Variants in WDR41 observed in about 807,000 individuals in gnomAD.
WDR41 encodes WD repeat domain 41.
A neutral mutation model predicts 69.3 loss-of-function variants in WDR41; 63 were observed. That is an observed-to-expected ratio of 0.91 (90% CI 0.74 to 1.12). WDR41 has a LOEUF of 1.12. Among genes scored for constraint, WDR41 ranks in the 50% most tolerant of loss-of-function variants. WDR41 has a pLI of 0.00. For synonymous variants in WDR41, 185 were observed against 192.1 expected (o/e 0.96, Z 0.31); for missense variants, 543 against 534.5 (o/e 1.02, Z -0.16).
intron 1 of WDR41, among the ~76,000 whole-genome samples, chr5:77,534,148 A>C (rs1249544507): frequency 6.6e-6 from 1 of 152,004 alleles, no homozygotes; most frequent in Admixed American, 6.6e-5. Flanking sequence ...TTAAAAAAGT[A>C]TTATTTACTT....
chr5:77,610,937 C>T (rs1744535266), intron 1 of WDR41, among the ~76,000 whole-genome samples: 1 of 151,974 alleles, frequency 6.6e-6, no homozygotes, highest in Non-Finnish European at 1.5e-5. Context: ...CACACATAGG[C>T]TCAAAATAAA....
intron 1 of WDR41, among the ~76,000 whole-genome samples, chr5:77,522,312 C>T (rs1252399120): frequency 6.6e-6 from 1 of 152,062 alleles, no homozygotes; most frequent in Non-Finnish European, 1.5e-5. Context: ...AGGAAGATAG[C>T]CCCAAAGAAT....
intron 1 of WDR41, among the ~76,000 whole-genome samples, chr5:77,614,260 T>C (rs1171533312): frequency 2.0e-5 from 3 of 150,696 alleles, no homozygotes; most frequent in Non-Finnish European, 4.4e-5. Context: ...GATCTAGAAC[T>C]AGAAATACCA....
intron 1 of WDR41, 196 bp downstream of exon 1, chr5:77,491,974 T>G (rs2112132085): frequency 1.6e-6 from 1 of 620,764 alleles, no homozygotes; most frequent in Non-Finnish European, 2.6e-6. Context: ...GCGCCTGGGG[T>G]CCCGCCGGGT....
intron 5 of WDR41, among the ~76,000 whole-genome samples, chr5:77,454,547 T>A (rs1180175872): frequency 6.6e-6 from 1 of 152,234 alleles, no homozygotes; most frequent in Non-Finnish European, 1.5e-5. Flanking sequence ...TCTCTGTATC[T>A]TTAGAATAAA....
intron 1 of WDR41, among the ~76,000 whole-genome samples, chr5:77,581,432 A>T (rs866581837): frequency 2.6e-5 from 4 of 152,334 alleles, no homozygotes; most frequent in Non-Finnish European, 4.4e-5. Context: ...CCCACTTTTA[A>T]TAATGGATAG....
intron 1 of WDR41, among the ~76,000 whole-genome samples, chr5:77,556,235 G>C (rs1356311418): frequency 6.7e-6 from 1 of 150,032 alleles, no homozygotes; most frequent in Non-Finnish European, 1.5e-5. Context: ...TGCCGAAATA[G>C]CTGGGATTAT....
intron 1 of WDR41, among the ~76,000 whole-genome samples, chr5:77,527,753 C>A (rs1269457487): frequency 1.3e-5 from 2 of 151,800 alleles, no homozygotes; most frequent in Admixed American, 1.3e-4. Context: ...TCTCTGACTA[C>A]AATGTATCTA....
intron 1 of WDR41, among the ~76,000 whole-genome samples, chr5:77,558,748 T>G (rs968738970): frequency 1.3e-5 from 2 of 152,228 alleles, no homozygotes; most frequent in Admixed American, 6.5e-5. Flanking sequence ...CACTTTCTAA[T>G]CTTAGCATTG....
intron 1 of WDR41, among the ~76,000 whole-genome samples, chr5:77,596,688 A>G (rs191383558): frequency 7.6e-4 from 116 of 152,270 alleles, no homozygotes; most frequent in African/African-American, 2.7e-3. Flanking sequence ...AAATACAACA[A>G]CAACTAGCAC....
chr5:77,581,212 C>T (rs530353647), intron 1 of WDR41, among the ~76,000 whole-genome samples: 2 of 152,016 alleles, frequency 1.3e-5, no homozygotes, highest in Non-Finnish European at 1.5e-5. Context: ...ACAGATACTA[C>T]TAATAACAGA....
intron 1 of WDR41, among the ~76,000 whole-genome samples, chr5:77,576,100 T>A (rs1231759430): frequency 6.6e-6 from 1 of 152,278 alleles, no homozygotes; most frequent in African/African-American, 2.4e-5. Context: ...TCATAGCATG[T>A]CTTACACAGT....
At chr5:77,567,179 G>A in intron 1 of WDR41, among the ~76,000 whole-genome samples, 1 of 152,114 alleles carries the variant, frequency 6.6e-6, no homozygotes, top group East Asian at 1.9e-4. Context: ...ATGCTTTGCA[G>A]TTTTGGAATA....
intron 2 of WDR41, among the ~76,000 whole-genome samples, chr5:77,478,253 G>A (rs1412900765): frequency 6.6e-6 from 1 of 152,266 alleles, no homozygotes; most frequent in African/African-American, 2.4e-5. Flanking sequence ...GGTACAAGGA[G>A]GAACTGGTAC....
chr5:77,557,957 C>G (rs1331981609), intron 1 of WDR41, among the ~76,000 whole-genome samples: 1 of 151,566 alleles, frequency 6.6e-6, no homozygotes, highest in African/African-American at 2.4e-5. Flanking sequence ...CAAAATTAAA[C>G]AACATATTGT....
At chr5:77,591,169 G>C (rs928530717) in intron 1 of WDR41, among the ~76,000 whole-genome samples, 1 of 151,708 alleles carries the variant, frequency 6.6e-6, no homozygotes, top group African/African-American at 2.4e-5. Flanking sequence ...CAAATGTTTA[G>C]GTATACATTT....
At chr5:77,470,872 GACAA>G (rs1800563641) in intron 2 of WDR41, among the ~76,000 whole-genome samples, 1 of 88,558 alleles carries the variant, frequency 1.1e-5, no homozygotes, top group Non-Finnish European at 2.0e-5. Context: ...AGATCAACAA[GACAA>G]AGTTAACAAG....
intron 1 of WDR41, among the ~76,000 whole-genome samples, chr5:77,536,088 C>A (rs1037990286): frequency 1.3e-5 from 2 of 152,034 alleles, no homozygotes; most frequent in Non-Finnish European, 2.9e-5. Flanking sequence ...AGAATGCTAC[C>A]CTGTTTTCTT....
chr5:77,602,846 T>C (rs939598903), intron 1 of WDR41, among the ~76,000 whole-genome samples: 44 of 152,296 alleles, frequency 2.9e-4, no homozygotes, highest in African/African-American at 1.0e-3. Flanking sequence ...TCCACACTGT[T>C]TTCCATAGTG....
Sources: gnomAD v4.1 joint callset for allele counts (sites outside exome capture counted in the v4.1 genomes callset) on GRCh38, gnomAD v4.1.1 for gene constraint, MANE v1.5 for transcripts, NCBI Gene and HGNC (gene_info 2026-07-23, HGNC 2026-07-21) for gene names.